The following RNF17 variants were observed in gnomAD, a reference collection of about 807,000 sequenced individuals.
The protein encoded by RNF17 is spermatogenesis associated 23.
In RNF17, 31 loss-of-function variants were observed where a neutral mutation model predicts 200.5. That is an observed-to-expected ratio of 0.15 (90% confidence interval 0.12 to 0.21). RNF17 has a LOEUF of 0.21. Ranked by LOEUF, RNF17 falls within the 10% of genes least tolerant of loss-of-function variation. The pLI, the probability that RNF17 is intolerant of heterozygous loss-of-function variation, is 1.00. For synonymous variants in RNF17, 606 were observed against 637.8 expected, an observed-to-expected ratio of 0.95 and a Z score of 0.75; for missense variants, 1,628 against 1,905.1, an observed-to-expected ratio of 0.85 and a Z score of 2.71.
chr13:24,769,386 T>A (rs1016045554), intron 2 of RNF17, among the ~76,000 whole-genome samples: 1 of 152,200 alleles, frequency 6.6e-6, no homozygotes, highest in Admixed American at 6.5e-5. Flanking sequence ...ATAAGTGACC[T>A]GTCCCATCCT....
chr13:24,832,206 A>G (rs1421267271), intron 18 of RNF17, among the ~76,000 whole-genome samples: 2 of 152,206 alleles, frequency 1.3e-5, no homozygotes, highest in Non-Finnish European at 2.9e-5. Flanking sequence ...GCCCCTTGAA[A>G]GCCCTAAAGC....
chr13:24,873,146 C>T (rs1277477216), intron 32 of RNF17, among the ~76,000 whole-genome samples: 1 of 152,036 alleles, frequency 6.6e-6, no homozygotes, highest in Non-Finnish European at 1.5e-5. Flanking sequence ...CAAATATTTA[C>T]ATCCTTTGCC....
intron 16 of RNF17, among the ~76,000 whole-genome samples, chr13:24,829,554 A>G (rs887768046): frequency 6.6e-6 from 1 of 152,178 alleles, no homozygotes; most frequent in Non-Finnish European, 1.5e-5. Context: ...CTCAATTATC[A>G]TGGATATCTC....
chr13:24,823,368 G>A (rs191360829), intron 15 of RNF17, among the ~76,000 whole-genome samples: 3 of 152,106 alleles, frequency 2.0e-5, no homozygotes, highest in Non-Finnish European at 2.9e-5. Context: ...CACCACGCCC[G>A]GCCAAGAGAG....
At chr13:24,771,034 G>A (rs535504322) in intron 2 of RNF17, among the ~76,000 whole-genome samples, 2 of 152,318 alleles carry the variant, frequency 1.3e-5, no homozygotes, top group South Asian at 2.1e-4. Flanking sequence ...GTGAAGTTGA[G>A]CAACTTTTCA....
At chr13:24,781,728 T>C (rs1202518457) in intron 5 of RNF17, 116 bp from the exon 6 acceptor site, 2 of 646,874 alleles carry the variant, frequency 3.1e-6, no homozygotes, top group African/African-American at 3.7e-5. Context: ...ATTATCTCTT[T>C]ACCTCTTGTG....
intron 9 of RNF17, 110 bp downstream of exon 9, chr13:24,789,882 G>A: frequency 4.3e-6 from 3 of 696,160 alleles, no homozygotes; most frequent in Non-Finnish European, 5.0e-6. Flanking sequence ...AAAAATAAAG[G>A]GCAAAATAGT....
rs990357870 is a variant in RNF17, at chr13:24,772,695, C to T, written c.226-2118C>T. Among the ~76,000 whole-genome samples, 5 of 151,846 alleles carry T rather than the reference C, an allele frequency of 3.3e-5. No individual in the cohort carries two copies. In the South Asian group the frequency reaches 6.2e-4, roughly 19 times the overall value. ...GCGCCATCTCAGCTCACTGCAAGCTCCTCCTCCCAGGTTCACGCCATTCTC... is the reference window on the plus strand; with the variant it reads ...GCGCCATCTCAGCTCACTGCAAGCTTCTCCTCCCAGGTTCACGCCATTCTC... On this transcript the variant is annotated intron_variant, in intron 2 of 35. Coordinates refer to ENST00000255324, the MANE Select transcript of RNF17 (RefSeq NM_031277.3).
chr13:24,774,817 C>T lies in RNF17; in HGVS notation c.230C>T (p.Ala77Val). The stretch of plus-strand genomic sequence containing the variant: ...TAAACCTTATTTTGTCCTAAGGTTG[C>T]TACAGCTGTAAATACTAGACAACGC... ...TTIICPDCEV[A>V]TAVNTRQRYY... The change falls in exon 3 of 36, where the codon GCT becomes GTT. Residue 77 changes from alanine (A) to valine (V), a missense_variant. Ala to Val is a moderately conservative substitution (Grantham distance 64, BLOSUM62 0). Transcript: ENST00000255324. 6.2e-7 allele frequency: 1 copy of T among 1,605,046 alleles called. No homozygotes were observed. Among genetic ancestry groups the T allele is most frequent in the Non-Finnish European group, 8.5e-7 (1 of 1,173,678 alleles).
At position 24,778,321 on chromosome 13, in the gene RNF17, A is replaced by T; in HGVS notation, c.344A>T (p.Lys115Met). The T allele has an allele frequency of 6.2e-7, 1 of 1,612,244 alleles. No homozygotes were observed. ...KTIKNCSQDFKKTADQLTTGL... is the reference protein window; with the variant it reads ...KTIKNCSQDFMKTADQLTTGL... ...ATAAAGAATTGTTCTCAGGACTTTA[A>T]GAAGACTGCTGATCAGCTAACTACT... Residue 115 changes from lysine to methionine, a missense_variant, in exon 4 of 36, where the codon AAG (lysine) becomes ATG (methionine). Transcript: ENST00000255324.
the RNF17 span, among the ~76,000 whole-genome samples, chr13:24,755,627 T>C: frequency 2.6e-5 from 4 of 152,222 alleles, no homozygotes; most frequent in Non-Finnish European, 4.4e-5. Flanking sequence ...TTTTTATTTC[T>C]GAAAGTTTTT....
chr13:24,851,954 A>G (rs1190839169), intron 24 of RNF17, among the ~76,000 whole-genome samples: 1 of 152,146 alleles, frequency 6.6e-6, no homozygotes, highest in Non-Finnish European at 1.5e-5. Context: ...TATACCTACT[A>G]GATGTATTTA....
intron 6 of RNF17, among the ~76,000 whole-genome samples, chr13:24,782,613 G>C (rs949067665): frequency 6.6e-6 from 1 of 150,978 alleles, no homozygotes; most frequent in African/African-American, 2.4e-5. Context: ...GATGGGGGGG[G>C]GATCTTTGAG....
rs553564949 is a variant in RNF17 at position 24,879,075 on chromosome 13, T to C, written c.4774-112T>C. 6 of 693,960 alleles carry C rather than the reference T, an allele frequency of 8.6e-6. No individual in the cohort carries two copies. The South Asian group carries it at 1.1e-4, about 13-fold the overall frequency. 43.0% of individuals were successfully genotyped at this position (693,960 alleles called of 1,614,324 possible). Reference sequence around the variant, plus strand: ...TTTTGGAAGCATAGAGCATAAATTATCAATAGGCCCCTGAGAACACCTTTT... The same window carrying C: ...TTTTGGAAGCATAGAGCATAAATTACCAATAGGCCCCTGAGAACACCTTTT... On this transcript the variant is annotated intron_variant, in intron 34 of 35. Transcript: ENST00000255324.
intron 6 of RNF17, among the ~76,000 whole-genome samples, chr13:24,787,017 A>AT (rs1330678568): frequency 6.6e-6 from 1 of 150,644 alleles, no homozygotes; most frequent in African/African-American, 2.4e-5. Flanking sequence ...TGTTGTTTTT[A>AT]TTTTTTTCAG....
Position 24,845,729 on chromosome 13 carries a change from G to A in RNF17, c.3101+650G>A, listed in dbSNP as rs575172453. Among the ~76,000 whole-genome samples the A allele has an allele frequency of 3.3e-5, 5 of 152,312 alleles. 1 individual carries two copies. In the South Asian group the frequency reaches 1.0e-3, roughly 32 times the overall value. The stretch of plus-strand genomic sequence containing the variant: ...GCAGCCAAAACTAAGGGATAAGGCA[G>A]GATGCAGTTCTTATATGAATGCAAG... On this transcript the variant is annotated intron_variant, in intron 22 of 35. Transcript: ENST00000255324.
chr13:24,767,236 C>G (rs935068878), intron 1 of RNF17, 36 bp from the exon 2 acceptor site: 3 of 1,407,740 alleles, frequency 2.1e-6, no homozygotes, highest in Non-Finnish European at 3.0e-6. Context: ...TAATCATCAT[C>G]ATCATCAAAA....
At chr13:24,793,766 G>A (rs4770742) in intron 10 of RNF17, among the ~76,000 whole-genome samples, 149,644 of 152,328 alleles carry the variant, frequency 0.98, 73,544 homozygotes, top group Middle Eastern at 1. Context: ...TCTATTTTAT[G>A]ACATTTAAAT....
At chr13:24,814,240 T>C (rs79835150) in intron 15 of RNF17, among the ~76,000 whole-genome samples, 5,995 of 152,304 alleles carry the variant, frequency 0.039, 168 homozygotes, top group Middle Eastern at 0.13. Flanking sequence ...GTCTCAGGTC[T>C]GGCAGAGGTG....
Sources: gnomAD v4.1 joint callset for allele counts (sites outside exome capture counted in the v4.1 genomes callset) on GRCh38, gnomAD v4.1.1 for gene constraint, MANE v1.5 for transcripts, NCBI Gene and HGNC (gene_info 2026-07-23, HGNC 2026-07-21) for gene names.